The following GRID2 variants were observed in gnomAD, a reference collection of about 807,000 sequenced individuals.
The protein encoded by GRID2 is glutamate ionotropic receptor delta type subunit 2.
GRID2 carries 33 observed loss-of-function variants against 114.8 expected under a neutral mutation model. The ratio of observed to expected loss-of-function variants is 0.29; its 90% confidence interval spans 0.22 to 0.38. The LOEUF is 0.38. Among genes scored for constraint, GRID2 ranks in the 10% least tolerant of loss-of-function variants. The pLI, the probability that GRID2 is intolerant of heterozygous loss-of-function variation, is 1.00. For missense variants in GRID2, 1,184 were observed against 1,257.7 expected (o/e 0.94, Z 0.89); for synonymous variants, 505 against 449.9 (o/e 1.12, Z -1.55).
At chr4:93,078,874 G>C (rs1038087345) in intron 2 of GRID2, among the ~76,000 whole-genome samples, 16 of 143,294 alleles carry the variant, frequency 1.1e-4, no homozygotes, top group Non-Finnish European at 1.7e-4. Flanking sequence ...TCATATAATT[G>C]TATTTTGTAT....
At chr4:92,390,054 A>C (rs917889518) in intron 1 of GRID2, among the ~76,000 whole-genome samples, 5 of 152,152 alleles carry the variant, frequency 3.3e-5, no homozygotes, top group African/African-American at 1.2e-4. Flanking sequence ...CCTCTTTTAA[A>C]AAAATCTAGC....
chr4:93,732,452 C>T (rs1237869171), intron 14 of GRID2, among the ~76,000 whole-genome samples: 1 of 152,134 alleles, frequency 6.6e-6, no homozygotes, highest in Non-Finnish European at 1.5e-5. Context: ...CAGGTTTATG[C>T]CTGCTGCCAT....
intron 8 of GRID2, among the ~76,000 whole-genome samples, chr4:93,340,142 C>A (rs1364175068): frequency 1.3e-5 from 2 of 151,940 alleles, no homozygotes; most frequent in Non-Finnish European, 2.9e-5. Context: ...TTTTTTGTGC[C>A]TTGTGCTGTG....
At chr4:93,581,600 C>T in intron 13 of GRID2, among the ~76,000 whole-genome samples, 1 of 152,122 alleles carries the variant, frequency 6.6e-6, no homozygotes, top group East Asian at 1.9e-4. Context: ...CGAACCTACT[C>T]ATGTACAGAT....
chr4:92,429,135 A>T (rs1732310129), intron 1 of GRID2, among the ~76,000 whole-genome samples: 1 of 152,000 alleles, frequency 6.6e-6, no homozygotes, highest in South Asian at 2.1e-4. Flanking sequence ...TCTTGTGTTA[A>T]TCTGCTGAGA....
chr4:93,527,575 T>C (rs556661796), intron 13 of GRID2, among the ~76,000 whole-genome samples: 258 of 142,958 alleles, frequency 1.8e-3, no homozygotes, highest in African/African-American at 6.4e-3. Flanking sequence ...AAAGCTTCTC[T>C]TTTTATGTGA....
intron 2 of GRID2, among the ~76,000 whole-genome samples, chr4:92,656,766 GA>G (rs1205719349): frequency 6.6e-6 from 1 of 151,664 alleles, no homozygotes; most frequent in Non-Finnish European, 1.5e-5. Flanking sequence ...CTTCTTGAGA[GA>G]ATATTAACAT....
intron 2 of GRID2, among the ~76,000 whole-genome samples, chr4:92,940,955 C>T (rs1469529689): frequency 6.6e-6 from 1 of 152,140 alleles, no homozygotes; most frequent in African/African-American, 2.4e-5. Flanking sequence ...TGATGTGCTG[C>T]TGGATTCGGT....
chr4:92,832,374 TTTG>T (rs1742169665), intron 2 of GRID2, among the ~76,000 whole-genome samples: 1 of 151,940 alleles, frequency 6.6e-6, no homozygotes, highest in East Asian at 1.9e-4. Context: ...AATATCTTTT[TTTG>T]TTGTTTTTGT....
chr4:92,935,840 A>T (rs1750629937), intron 2 of GRID2, among the ~76,000 whole-genome samples: 1 of 141,348 alleles, frequency 7.1e-6, no homozygotes. Flanking sequence ...AATAATGAGA[A>T]CACATGGACA....
At chr4:93,780,805 A>C (rs1734464038) in intron 1 of GRID2, among the ~76,000 whole-genome samples, 2 of 152,218 alleles carry the variant, frequency 1.3e-5, no homozygotes, top group African/African-American at 4.8e-5. Context: ...ACCAAGGGAG[A>C]AACAGGCTCT....
intron 4 of GRID2, among the ~76,000 whole-genome samples, chr4:93,204,851 T>A (rs940745566): frequency 6.6e-6 from 1 of 152,166 alleles, no homozygotes; most frequent in Non-Finnish European, 1.5e-5. Flanking sequence ...TAGCGAAGAT[T>A]ATTATTTAGC....
chr4:92,714,197 C>CA, intron 2 of GRID2, among the ~76,000 whole-genome samples: 1 of 152,148 alleles, frequency 6.6e-6, no homozygotes, highest in East Asian at 1.9e-4. Context: ...CATGTACGTC[C>CA]AAAATCCAGT....
At chr4:92,783,299 A>G (rs981742933) in intron 2 of GRID2, among the ~76,000 whole-genome samples, 4 of 152,062 alleles carry the variant, frequency 2.6e-5, no homozygotes, top group Admixed American at 2.0e-4. Context: ...CAAAAATGGC[A>G]GTTTTACATG....
intron 14 of GRID2, among the ~76,000 whole-genome samples, chr4:93,693,949 A>G (rs1726789517): frequency 6.6e-6 from 1 of 152,200 alleles, no homozygotes. Context: ...CAAGACAGGA[A>G]ATGTGATTGT....
At chr4:92,835,826 T>C (rs1742415651) in intron 2 of GRID2, among the ~76,000 whole-genome samples, 1 of 152,190 alleles carries the variant, frequency 6.6e-6, no homozygotes, top group Non-Finnish European at 1.5e-5. Flanking sequence ...ACACTTCGTA[T>C]TGTCTTTCAC....
intron 8 of GRID2, among the ~76,000 whole-genome samples, chr4:93,293,111 C>A (rs1277171059): frequency 6.6e-6 from 1 of 152,162 alleles, no homozygotes; most frequent in African/African-American, 2.4e-5. Context: ...GTGCTCTTAA[C>A]CACCCATCCT....
At chr4:92,832,138 A>AGAT (rs1050820531) in intron 2 of GRID2, among the ~76,000 whole-genome samples, 3 of 151,864 alleles carry the variant, frequency 2.0e-5, no homozygotes, top group African/African-American at 7.3e-5. Flanking sequence ...AAAAAAGGAA[A>AGAT]GATTAGTAAA....
intron 8 of GRID2, among the ~76,000 whole-genome samples, chr4:93,241,841 A>T (rs1747553059): frequency 6.6e-6 from 1 of 151,838 alleles, no homozygotes; most frequent in Admixed American, 6.6e-5. Context: ...GGTAGTAATT[A>T]AATGACTTTG....
Sources: allele counts gnomAD v4.1 joint callset (sites outside exome capture counted in the v4.1 genomes callset), GRCh38; gene constraint gnomAD v4.1.1; transcripts MANE v1.5; gene names NCBI Gene and HGNC (gene_info 2026-07-23, HGNC 2026-07-21).